ALK: variants seen among roughly 807,000 people sequenced by gnomAD.
ALK encodes ALK receptor tyrosine kinase, also known as ALK tyrosine kinase receptor.
Under a neutral mutation model 163.1 loss-of-function variants are expected in ALK, and 74 were observed. The ratio of observed to expected loss-of-function variants is 0.45; its 90% CI spans 0.38 to 0.55. The LOEUF (loss-of-function observed/expected upper bound fraction) is 0.55, where lower values mean the gene tolerates loss of function less well. ALK is among the 20% of genes least tolerant of loss of function. The probability of loss-of-function intolerance (pLI) is 0.00; values close to 1 mark genes in which losing one functional copy is unlikely to be tolerated. For synonymous variants in ALK, 960 were observed against 843.2 expected (o/e 1.14, Z -2.40); for missense variants, 2,063 against 2,105.3 (o/e 0.98, Z 0.39).
At chr2:29,376,022 A>G (rs899191017) in intron 5 of ALK, among the ~76,000 whole-genome samples, 1 of 151,986 alleles carries the variant, frequency 6.6e-6, no homozygotes, top group South Asian at 2.1e-4. Context: ...CTCCTCCCCA[A>G]CCAGAGACAT....
At chr2:29,320,919 A>T (rs762288695) in intron 6 of ALK, 37 bp from the exon 7 acceptor site, 8 of 1,613,986 alleles carry the variant, frequency 5.0e-6, no homozygotes, top group Middle Eastern at 1.7e-4. Flanking sequence ...CATTTTCAGG[A>T]CCACTAAAGG....
intron 8 of ALK, among the ~76,000 whole-genome samples, chr2:29,307,036 C>T (rs532830265): frequency 9.8e-5 from 15 of 152,338 alleles, no homozygotes; most frequent in South Asian, 8.3e-4. Context: ...AAAGCCGGAA[C>T]GGCATTGTGG....
At chr2:29,300,615 G>T (rs1385420160) in intron 8 of ALK, among the ~76,000 whole-genome samples, 1 of 151,362 alleles carries the variant, frequency 6.6e-6, no homozygotes, top group Non-Finnish European at 1.5e-5. Context: ...CTAAGCCATG[G>T]TGGAGGGGAT....
chr2:29,778,178 C>T (rs1322233510), intron 1 of ALK, among the ~76,000 whole-genome samples: 2 of 152,210 alleles, frequency 1.3e-5, no homozygotes, highest in Non-Finnish European at 2.9e-5. Flanking sequence ...ATTCACAGCA[C>T]AGGAAACACA....
chr2:29,692,373 C>T (rs966044202), intron 3 of ALK, among the ~76,000 whole-genome samples: 3 of 152,222 alleles, frequency 2.0e-5, no homozygotes, highest in African/African-American at 7.2e-5. Flanking sequence ...CTCTTAGTTA[C>T]ATGCTCTAGA....
intron 5 of ALK, among the ~76,000 whole-genome samples, chr2:29,363,281 C>T (rs931339088): frequency 2.0e-5 from 3 of 152,190 alleles, no homozygotes; most frequent in African/African-American, 7.2e-5. Context: ...CCACAGAACC[C>T]ACTTTGGCTT....
At chr2:29,733,347 C>A (rs1304026202) in intron 1 of ALK, among the ~76,000 whole-genome samples, 1 of 152,128 alleles carries the variant, frequency 6.6e-6, no homozygotes, top group Non-Finnish European at 1.5e-5. Context: ...AAAGGGGCTG[C>A]AAACTAGATT....
At chr2:29,418,367 T>C (rs911332727) in intron 4 of ALK, among the ~76,000 whole-genome samples, 3 of 152,234 alleles carry the variant, frequency 2.0e-5, no homozygotes, top group African/African-American at 7.2e-5. Flanking sequence ...GTTTTTACAA[T>C]TAAGGAGTCC....
At chr2:29,721,867 A>T (rs1327664167) in intron 1 of ALK, among the ~76,000 whole-genome samples, 1 of 152,248 alleles carries the variant, frequency 6.6e-6, no homozygotes, top group Admixed American at 6.5e-5. Context: ...TTTACAGCTA[A>T]ATCTATTAAA....
chr2:29,547,300 A>T (rs1167637358), intron 3 of ALK, among the ~76,000 whole-genome samples: 1 of 152,192 alleles, frequency 6.6e-6, no homozygotes, highest in Non-Finnish European at 1.5e-5. Context: ...TTAAAACAGA[A>T]ATTCCATAAT....
chr2:29,232,574 G>C (rs1358688486), intron 14 of ALK, 126 bp from the exon 15 acceptor site: 2 of 1,284,214 alleles, frequency 1.6e-6, no homozygotes, highest in Non-Finnish European at 2.2e-6. Flanking sequence ...ACCTCTCAGT[G>C]GTCTGAGGTG....
chr2:29,623,487 C>CACATATATGGTAGCTG (rs1676098723), intron 3 of ALK, among the ~76,000 whole-genome samples: 1 of 35,820 alleles, frequency 2.8e-5, no homozygotes, highest in East Asian at 1.3e-3. Flanking sequence ...AATGATAGCT[C>CACATATATGGTAGCTG]ACTTTAATAC....
At chr2:29,564,410 C>T (rs766031925) in intron 3 of ALK, among the ~76,000 whole-genome samples, 8 of 150,076 alleles carry the variant, frequency 5.3e-5, no homozygotes, top group Non-Finnish European at 7.4e-5. Flanking sequence ...AATATTCAAC[C>T]CTGTGCCTTG....
chr2:29,436,113 T>C (rs1287041803), intron 4 of ALK, among the ~76,000 whole-genome samples: 1 of 152,104 alleles, frequency 6.6e-6, no homozygotes, highest in Admixed American at 6.5e-5. Flanking sequence ...GATTTGGGTC[T>C]TTACCCAAAA....
intron 4 of ALK, among the ~76,000 whole-genome samples, chr2:29,420,005 A>G (rs774723016): frequency 2.0e-5 from 3 of 151,126 alleles, no homozygotes; most frequent in Non-Finnish European, 4.4e-5. Flanking sequence ...CTGAAAATAC[A>G]AAAATTAGCT....
At chr2:29,675,056 C>T (rs1045880783) in intron 3 of ALK, among the ~76,000 whole-genome samples, 4 of 151,538 alleles carry the variant, frequency 2.6e-5, no homozygotes, top group Non-Finnish European at 4.4e-5. Flanking sequence ...CTATTTGATT[C>T]TTCTCTCTTT....
chr2:29,307,436 A>G (rs112611032), intron 8 of ALK, among the ~76,000 whole-genome samples: 11 of 152,334 alleles, frequency 7.2e-5, no homozygotes, highest in East Asian at 3.9e-4. Context: ...ATGAGCTTGC[A>G]TGGTGGGGGT....
Position 29,289,962 on chromosome 2 carries a change from C to T in ALK, c.1817+6926G>A, listed in dbSNP as rs559268626. Among the ~76,000 whole-genome samples the T allele has an allele frequency of 1.1e-4, 17 of 152,302 alleles. No individual in the cohort carries two copies. The South Asian group carries it at 1.7e-3, about 15-fold the overall frequency. On this transcript the variant is annotated intron_variant, in intron 9 of 28. Transcript: ENST00000389048. ...CTGTGATGCCGTGGTCTTGTCTTCC[C>T]GCCAGCCTCCCTAATTAGATGGAGA...
At chr2:29,716,844 T>G (rs1406786575) in intron 2 of ALK, among the ~76,000 whole-genome samples, 1 of 151,708 alleles carries the variant, frequency 6.6e-6, no homozygotes, top group African/African-American at 2.4e-5. Flanking sequence ...AATAATCCCC[T>G]CTTAAGAGAC....
Sources: gnomAD v4.1 joint callset for allele counts (sites outside exome capture counted in the v4.1 genomes callset) on GRCh38, gnomAD v4.1.1 for gene constraint, MANE v1.5 for transcripts, NCBI Gene and HGNC (gene_info 2026-07-23, HGNC 2026-07-21) for gene names.